Variants in CCBE1 observed in about 807,000 individuals in gnomAD.
The protein encoded by CCBE1 is collagen and calcium binding EGF domains 1, also known as collagen and calcium-binding EGF domain-containing protein 1.
CCBE1 carries 37 observed loss-of-function variants against 50.0 expected under a neutral mutation model. The observed-to-expected ratio is 0.74, with a 90% CI of 0.57 to 0.97. CCBE1 has a LOEUF of 0.97. Ranked by LOEUF, CCBE1 falls within the 50% of genes least tolerant of loss-of-function variation. CCBE1 has a pLI of 0.00. For missense variants in CCBE1, 538 were observed against 523.8 expected (o/e 1.03, Z -0.26); for synonymous variants, 234 against 203.7 (o/e 1.15, Z -1.27).
chr18:59,573,564 T>TC (rs920588015), intron 2 of CCBE1, among the ~76,000 whole-genome samples: 1 of 151,664 alleles, frequency 6.6e-6, no homozygotes, highest in Non-Finnish European at 1.5e-5. Flanking sequence ...CAACATATAG[T>TC]CCCCAACCCT....
chr18:59,446,076 A>G (rs1016431844), intron 7 of CCBE1, among the ~76,000 whole-genome samples: 3 of 152,204 alleles, frequency 2.0e-5, no homozygotes, highest in Non-Finnish European at 4.4e-5. Context: ...CACAAACACT[A>G]GAAGTTAAGA....
intron 2 of CCBE1, among the ~76,000 whole-genome samples, chr18:59,481,965 G>T (rs1912590537): frequency 6.6e-6 from 1 of 152,148 alleles, no homozygotes; most frequent in Admixed American, 6.5e-5. Flanking sequence ...ACGCCATGGT[G>T]GTTTGCTGCA....
chr18:59,436,027 ACTC>A lies in CCBE1; in HGVS notation c.1099_1101del (p.Glu367del). On this transcript the variant is annotated inframe_deletion, in exon 11 of 11. Coordinates refer to ENST00000439986, the MANE Select transcript of CCBE1 (RefSeq NM_133459.4). ...CTGGGAAATTCCTGAGGTAAAGGGA[ACTC>A]CTCTGCTGAAGAGTGAGTCCGGTGC... 6.2e-7 allele frequency: 1 copy of A among 1,613,880 alleles called. No homozygotes were observed. The highest frequency in any genetic ancestry group is 8.5e-7 in the Non-Finnish European group (1 of 1,179,992).
At chr18:59,437,808 TATG>T (rs576229355) in intron 10 of CCBE1, among the ~76,000 whole-genome samples, 134 of 152,330 alleles carry the variant, frequency 8.8e-4, no homozygotes, top group Admixed American at 3.3e-3. Flanking sequence ...TCAAATGTTT[TATG>T]ATAATACTTG....
intron 2 of CCBE1, among the ~76,000 whole-genome samples, chr18:59,574,873 A>C (rs2052969932): frequency 6.6e-6 from 1 of 152,184 alleles, no homozygotes; most frequent in South Asian, 2.1e-4. Flanking sequence ...TGGAAGTCCT[A>C]ACCCCCAGGA....
Position 59,449,033 on chromosome 18 carries a change from G to A in CCBE1, c.655-930C>T, listed in dbSNP as rs72958134. ...ATCAGTAAATCTACTGCAACCATGA[G>A]GCAGTGGGTCAACACTGGCAGCTGA... is the stretch of plus-strand genomic sequence containing the variant. On this transcript the variant is annotated intron_variant, in intron 6 of 10. Transcript: ENST00000439986. Among the ~76,000 whole-genome samples the A allele has an allele frequency of 2.1e-3, 325 of 152,292 alleles. 1 individual carries two copies. Among genetic ancestry groups the A allele is most frequent in the Non-Finnish European group, 3.3e-3 (226 of 68,022 alleles).
chr18:59,647,494 G>A (rs1330607586), intron 2 of CCBE1, among the ~76,000 whole-genome samples: 1 of 151,768 alleles, frequency 6.6e-6, no homozygotes, highest in Non-Finnish European at 1.5e-5. Flanking sequence ...ATTTTTTTCT[G>A]CTTTTGTAAT....
chr18:59,505,278 C>G (rs532871588), intron 2 of CCBE1, among the ~76,000 whole-genome samples: 1 of 152,270 alleles, frequency 6.6e-6, no homozygotes, highest in South Asian at 2.1e-4. Flanking sequence ...ATGGCATCCT[C>G]AAACTTAACA....
intron 2 of CCBE1, among the ~76,000 whole-genome samples, chr18:59,625,859 A>G (rs2053776832): frequency 2.0e-5 from 3 of 152,174 alleles, no homozygotes; most frequent in Admixed American, 6.5e-5. Flanking sequence ...AGTAACTTGT[A>G]AAAGAGCCCA....
At chr18:59,578,462 A>G (rs979303726) in intron 2 of CCBE1, among the ~76,000 whole-genome samples, 1 of 152,218 alleles carries the variant, frequency 6.6e-6, no homozygotes, top group Non-Finnish European at 1.5e-5. Context: ...TACCCAAAGG[A>G]TTATAAATCA....
intron 5 of CCBE1, among the ~76,000 whole-genome samples, chr18:59,456,904 G>A (rs983757613): frequency 7.2e-5 from 11 of 152,184 alleles, no homozygotes; most frequent in African/African-American, 2.7e-4. Context: ...CTTACCTGCT[G>A]CACCACCATC....
intron 6 of CCBE1, among the ~76,000 whole-genome samples, chr18:59,449,506 C>T (rs959342981): frequency 2.6e-5 from 4 of 151,926 alleles, no homozygotes; most frequent in South Asian, 2.1e-4. Context: ...CCTGTAGTCC[C>T]GGCTACTTGG....
chr18:59,678,425 G>T (rs2054538845), intron 2 of CCBE1, among the ~76,000 whole-genome samples: 1 of 152,074 alleles, frequency 6.6e-6, no homozygotes, highest in Admixed American at 6.5e-5. Context: ...ACTCTGAATA[G>T]GTAAAATGTT....
intron 2 of CCBE1, among the ~76,000 whole-genome samples, chr18:59,688,024 T>C (rs1438230121): frequency 1.3e-5 from 2 of 152,214 alleles, no homozygotes; most frequent in Non-Finnish European, 1.5e-5. Context: ...AGTGTTATAA[T>C]ATATTTTTAG....
At position 59,559,887 on chromosome 18, in the gene CCBE1, A is replaced by G. The variant is rs897553301; in HGVS notation, c.213-79649T>C. On this transcript the variant is annotated intron_variant, in intron 2 of 10. Transcript: ENST00000439986. ...CGGCTTGGCAGCTGTACTCTCTGTC[A>G]TGGACTTGATGGACCGCTGGACAAT... 2.6e-5 allele frequency among the ~76,000 whole-genome samples: 4 copies of G among 152,190 alleles called. No individual in the cohort carries two copies. In the South Asian group the frequency reaches 8.3e-4, roughly 32 times the overall value.
chr18:59,585,044 C>A (rs1198226562), intron 2 of CCBE1, among the ~76,000 whole-genome samples: 3 of 152,122 alleles, frequency 2.0e-5, no homozygotes, highest in Non-Finnish European at 4.4e-5. Flanking sequence ...TTGCAAGACG[C>A]ACCATGGCTC....
At chr18:59,623,516 G>A (rs2053739192) in intron 2 of CCBE1, among the ~76,000 whole-genome samples, 1 of 152,220 alleles carries the variant, frequency 6.6e-6, no homozygotes. Flanking sequence ...ACTGAGCAAA[G>A]TCTGGACAAG....
In CCBE1 at chr18:59,473,917, T is replaced by C. The variant is rs544702266; in HGVS notation, c.266-4310A>G. ...CTCCCCCTACTACTAGTCTGCAGTG[T>C]CTTGTTCCTATGTTTATGTCCATGT... is the stretch of plus-strand genomic sequence containing the variant. On this transcript the variant is annotated intron_variant, in intron 3 of 10. Coordinates refer to ENST00000439986, the MANE Select transcript of CCBE1 (RefSeq NM_133459.4). 5.6e-5 allele frequency among the ~76,000 whole-genome samples: 7 copies of C among 125,366 alleles called. No individual in the cohort carries two copies. In the South Asian group the frequency reaches 1.8e-3, roughly 31 times the overall value. 82.2% of individuals were successfully genotyped at this position (125,366 alleles called of 152,430 possible).
intron 2 of CCBE1, among the ~76,000 whole-genome samples, chr18:59,629,675 G>T (rs568382391): frequency 6.6e-6 from 1 of 152,208 alleles, no homozygotes; most frequent in Non-Finnish European, 1.5e-5. Context: ...GAGAAGTCAG[G>T]AATAGAAAAC....
Sources: allele counts gnomAD v4.1 joint callset (sites outside exome capture counted in the v4.1 genomes callset), GRCh38; gene constraint gnomAD v4.1.1; transcripts MANE v1.5; gene names NCBI Gene and HGNC (gene_info 2026-07-23, HGNC 2026-07-21).